The following CYLC2 variants were observed in gnomAD, a reference collection of about 807,000 sequenced individuals.
The protein encoded by CYLC2 is cylicin-2.
A neutral mutation model predicts 26.1 loss-of-function variants in CYLC2; 30 were observed. The observed-to-expected ratio is 1.15, with a 90% CI of 0.86 to 1.56. The LOEUF (loss-of-function observed/expected upper bound fraction) is 1.56. Among genes scored for constraint, CYLC2 ranks in the 40% most tolerant of loss-of-function variants. CYLC2 has a pLI of 0.00. For synonymous variants in CYLC2, 158 were observed against 132.8 expected (o/e 1.19, Z -1.31); for missense variants, 498 against 394.4 (o/e 1.26, Z -2.23).
intron 6 of CYLC2, among the ~76,000 whole-genome samples, chr9:103,014,481 TATATTATGC>T (rs1829467325): frequency 7.4e-6 from 1 of 134,570 alleles, no homozygotes; most frequent in Non-Finnish European, 1.6e-5. Flanking sequence ...ACATAATATG[TATATTATGC>T]AATATACATA....
In CYLC2 at chr9:103,003,223, G is replaced by A; in HGVS notation, c.140G>A (p.Arg47Lys). ...FPKPQRPGTK[R>K]RSKPSQIRDN... is the part of the protein sequence containing the mutation. Reference sequence around the variant, plus strand: ...AAACCACAACGGCCAGGAACCAAAAGGAGATCAAAACCTTCTCAAATACGG... The same window carrying A: ...AAACCACAACGGCCAGGAACCAAAAAGAGATCAAAACCTTCTCAAATACGG... The change falls in exon 3 of 8, where the codon AGG becomes AAG. Residue 47 changes from arginine to lysine, a missense_variant. Transcript: ENST00000374798. 1.9e-6 allele frequency: 3 copies of A among 1,613,750 alleles called. No individual in the cohort carries two copies. Among genetic ancestry groups the A allele is most frequent in the Non-Finnish European group, 2.5e-6 (3 of 1,179,840 alleles).
intron 2 of CYLC2, among the ~76,000 whole-genome samples, chr9:103,002,573 C>T (rs933091176): frequency 1.3e-5 from 2 of 151,842 alleles, no homozygotes; most frequent in African/African-American, 2.4e-5. Context: ...AGGATGGTCT[C>T]GATCTCCTGA....
chr9:103,015,627 G>C (rs1210831834), intron 6 of CYLC2, among the ~76,000 whole-genome samples: 1 of 146,614 alleles, frequency 6.8e-6, no homozygotes, highest in Non-Finnish European at 1.5e-5. Context: ...TATGTCTCTT[G>C]AGTGTTCCTT....
rs991290907 is a variant in CYLC2 at position 103,014,585 on chromosome 9, T to A, written c.*817-2303T>A. Among the ~76,000 whole-genome samples, 3 of 143,694 alleles carry A rather than the reference T, an allele frequency of 2.1e-5. No individual in the cohort carries two copies. The Admixed American group carries it at 2.1e-4, about 10-fold the overall frequency. 94.3% of individuals were successfully genotyped at this position (143,694 alleles called of 152,430 possible). A position where few individuals can be genotyped will look rare whatever the true frequency, so the allele number is the denominator to read the frequency against. On this transcript the variant is annotated intron_variant, in intron 6 of 7. Coordinates refer to ENST00000374798, the MANE Select transcript of CYLC2 (RefSeq NM_001340.5). ...TCATATGTATATTATGCAGTATACA[T>A]CATATGTATATTATGCAGTATACAT... is the stretch of plus-strand genomic sequence containing the variant.
chr9:103,013,721 A>C, intron 6 of CYLC2, among the ~76,000 whole-genome samples: 1 of 110,394 alleles, frequency 9.1e-6, no homozygotes, highest in Admixed American at 1.2e-4. Context: ...TATATATATT[A>C]TGCATTTTAT....
Position 103,004,878 on chromosome 9 carries a change from T to A in CYLC2, c.337+27T>A, listed in dbSNP as rs766174214. On this transcript the variant is annotated intron_variant, in intron 4 of 7. Transcript: ENST00000374798. ...TAGAGATAACTTACTGTTTTTATAGTATCTCTGTAATTTTCTGATTAGATT... is the reference window on the plus strand; with the variant it reads ...TAGAGATAACTTACTGTTTTTATAGAATCTCTGTAATTTTCTGATTAGATT... 3.1e-6 allele frequency: 5 copies of A among 1,594,404 alleles called. No individual in the cohort carries two copies. In the South Asian group the frequency reaches 5.8e-5, roughly 18 times the overall value.
intron 6 of CYLC2, among the ~76,000 whole-genome samples, chr9:103,014,753 CATAT>C (rs1829475197): frequency 1.5e-4 from 4 of 26,130 alleles, no homozygotes; most frequent in Admixed American, 6.0e-4. Flanking sequence ...ATGCAATATA[CATAT>C]GTAATATACG....
Position 103,005,277 on chromosome 9 carries a change from GAT to G in CYLC2, c.648_649del (p.Asp216GlufsTer5). ...SEGEKGGTEK[D>X]SKKGKKDSKK... The stretch of plus-strand genomic sequence containing the variant: ...AGGTGAAAAAGGAGGTACAGAGAAA[GAT>G]AGCAAAAAAGGTAAAAAGGATTCAA... On this transcript the variant is annotated frameshift_variant, in exon 5 of 8. Transcript: ENST00000374798. LOFTEE classifies it low-confidence loss of function (END_TRUNC). The G allele has an allele frequency of 4.3e-6, 7 of 1,613,468 alleles. No homozygotes were observed. The highest frequency in any genetic ancestry group is 5.9e-6 in the Non-Finnish European group (7 of 1,179,842).
chr9:103,017,698 G>A (rs938597951), intron 7 of CYLC2, among the ~76,000 whole-genome samples: 1 of 152,014 alleles, frequency 6.6e-6, no homozygotes, highest in Non-Finnish European at 1.5e-5. Context: ...ATTAGGGGTA[G>A]ACTGGTTTGC....
chr9:103,002,993 A>G, intron 2 of CYLC2, 149 bp from the exon 3 acceptor site: 1 of 932,300 alleles, frequency 1.1e-6, no homozygotes, highest in African/African-American at 1.7e-5. Context: ...TATTGATAAC[A>G]GAAAATTGCA....
At chr9:103,015,616 G>A (rs1587856951) in intron 6 of CYLC2, among the ~76,000 whole-genome samples, 1 of 146,238 alleles carries the variant, frequency 6.8e-6, no homozygotes, top group African/African-American at 2.5e-5. Flanking sequence ...CACCTTTAAA[G>A]TATGTCTCTT....
intron 5 of CYLC2, among the ~76,000 whole-genome samples, chr9:103,008,334 C>T (rs1383371384): frequency 6.6e-6 from 1 of 151,950 alleles, no homozygotes; most frequent in Non-Finnish European, 1.5e-5. Flanking sequence ...TCCAGTACCT[C>T]TTCATTTACA....
intron 3 of CYLC2, 90 bp from the exon 4 acceptor site, chr9:103,004,605 T>C: frequency 1.1e-6 from 1 of 895,630 alleles, no homozygotes; most frequent in East Asian, 3.1e-5. Flanking sequence ...AATCTTTTTA[T>C]GGTTGAAATT....
chr9:103,013,092 A>G (rs1251897733), intron 6 of CYLC2, among the ~76,000 whole-genome samples: 1 of 143,102 alleles, frequency 7.0e-6, no homozygotes, highest in African/African-American at 2.5e-5. Flanking sequence ...TATCATAAAT[A>G]ATATAAAAAT....
In CYLC2 at chr9:103,011,991, G is replaced by C. The variant is rs1047315995; in HGVS notation, c.*710G>C. Reference sequence around the variant, plus strand: ...TTTTTTTTTGATCGAGTCTCGCTCTGTTGCCCTGGCTGGAGTTCAGTGACA... The same window carrying C: ...TTTTTTTTTGATCGAGTCTCGCTCTCTTGCCCTGGCTGGAGTTCAGTGACA... On this transcript the variant is annotated 3_prime_UTR_variant, in exon 6 of 8. Transcript: ENST00000374798. 1 of 105,278 alleles carries C rather than the reference G, an allele frequency of 9.5e-6. No individual in the cohort carries two copies. Among genetic ancestry groups the C allele is most frequent in the Non-Finnish European group, 1.7e-5 (1 of 58,374 alleles). 6.5% of individuals were successfully genotyped at this position (105,278 alleles called of 1,614,324 possible). A position where few individuals can be genotyped will look rare whatever the true frequency, so the allele number is the denominator to read the frequency against.
At chr9:103,000,294 T>C (rs1251672428) in intron 1 of CYLC2, among the ~76,000 whole-genome samples, 1 of 151,960 alleles carries the variant, frequency 6.6e-6, no homozygotes, top group Non-Finnish European at 1.5e-5. Flanking sequence ...GCTGGGTGAT[T>C]AAATAATATG....
At chr9:103,012,852 C>T (rs763877811) in intron 6 of CYLC2, among the ~76,000 whole-genome samples, 5 of 151,030 alleles carry the variant, frequency 3.3e-5, no homozygotes, top group Admixed American at 6.6e-5. Flanking sequence ...AGCAGTTTTA[C>T]GGTAGGCAAA....
chr9:103,014,131 T>C (rs1829457478), intron 6 of CYLC2, among the ~76,000 whole-genome samples: 1 of 120,026 alleles, frequency 8.3e-6, no homozygotes, highest in Non-Finnish European at 1.6e-5. Flanking sequence ...TATTATATTA[T>C]AATATATTAA....
chr9:103,016,737 G>T (rs939563445), intron 6 of CYLC2, among the ~76,000 whole-genome samples, 151 bp from the exon 7 acceptor site: 9 of 151,994 alleles, frequency 5.9e-5, no homozygotes, highest in Non-Finnish European at 1.3e-4. Flanking sequence ...TTCCTCTTAG[G>T]AAGAGGTATT....
Sources: allele counts gnomAD v4.1 joint callset (sites outside exome capture counted in the v4.1 genomes callset), GRCh38; gene constraint gnomAD v4.1.1; transcripts MANE v1.5; gene names NCBI Gene and HGNC (gene_info 2026-07-23, HGNC 2026-07-21).